The following SYAP1 variants were observed in gnomAD, a reference collection of about 807,000 sequenced individuals.
SYAP1 encodes the protein synapse-associated protein 1.
A neutral mutation model predicts 29.6 loss-of-function variants in SYAP1; 3 were observed. That is an observed-to-expected ratio of 0.10 (90% CI 0.05 to 0.26). SYAP1 has a LOEUF of 0.26. SYAP1 is among the 10% of genes least tolerant of loss of function. SYAP1 has a pLI of 1.00. For missense variants in SYAP1, 217 were observed against 264.1 expected (o/e 0.82, Z 1.24); for synonymous variants, 102 against 102.7 (o/e 0.99, Z 0.04).
chrX:16,759,841 A>T (rs1171148737), intron 8 of SYAP1, among the ~76,000 whole-genome samples: 1 of 112,526 alleles, frequency 8.9e-6, no homozygotes, highest in African/African-American at 3.2e-5. Context: ...TGCCCAGCCC[A>T]GTAAGTGCTC....
intron 1 of SYAP1, among the ~76,000 whole-genome samples, chrX:16,731,043 C>T (rs1365354899): frequency 1.8e-5 from 2 of 112,301 alleles, no homozygotes; most frequent in Non-Finnish European, 3.8e-5. Context: ...ATCTTTAAAA[C>T]TGTCTTTATT....
intron 5 of SYAP1, among the ~76,000 whole-genome samples, chrX:16,749,978 T>C (rs1399112004): frequency 9.1e-6 from 1 of 110,427 alleles, no homozygotes; most frequent in African/African-American, 3.3e-5. Flanking sequence ...GGAAGGCTCA[T>C]TTCACTTTTG....
At chrX:16,739,011 C>T (rs1050251061) in intron 3 of SYAP1, among the ~76,000 whole-genome samples, 5 of 110,889 alleles carry the variant, frequency 4.5e-5, no homozygotes, top group South Asian at 3.8e-4. Flanking sequence ...TTCAGGAACT[C>T]GGGGTGGGGA....
intron 1 of SYAP1, among the ~76,000 whole-genome samples, chrX:16,726,663 A>G (rs1926088493): frequency 9.0e-6 from 1 of 111,294 alleles, no homozygotes; most frequent in Non-Finnish European, 1.9e-5. Context: ...ATATTTATTT[A>G]TCATGAGAAT....
At chrX:16,723,624 T>C (rs1926015857) in intron 1 of SYAP1, among the ~76,000 whole-genome samples, 1 of 112,125 alleles carries the variant, frequency 8.9e-6, no homozygotes, top group Non-Finnish European at 1.9e-5. Flanking sequence ...AATTCTAAAA[T>C]TGTATGAAAT....
intron 5 of SYAP1, 22 bp downstream of exon 5, chrX:16,743,862 G>A (rs762906479): frequency 2.3e-5 from 27 of 1,199,452 alleles, no homozygotes; most frequent in Non-Finnish European, 2.8e-5. Flanking sequence ...GTTCTCCAGC[G>A]TTTCCTCATG....
intron 4 of SYAP1, 33 bp from the exon 5 acceptor site, chrX:16,743,668 A>G: frequency 1.7e-6 from 2 of 1,193,867 alleles, no homozygotes; most frequent in Non-Finnish European, 2.3e-6. Flanking sequence ...CATTTTGTGG[A>G]ATACCCTGTG....
chrX:16,725,509 TG>T (rs1275431793), intron 1 of SYAP1, among the ~76,000 whole-genome samples: 3 of 111,950 alleles, frequency 2.7e-5, no homozygotes, highest in Non-Finnish European at 5.6e-5. Context: ...AAATAAAAAC[TG>T]TCTTCAACGT....
intron 3 of SYAP1, among the ~76,000 whole-genome samples, chrX:16,738,472 C>T (rs939043308): frequency 9.0e-6 from 1 of 110,944 alleles, no homozygotes; most frequent in African/African-American, 3.3e-5. Flanking sequence ...GAAGGTCACT[C>T]AGCTGGTAAG....
intron 3 of SYAP1, among the ~76,000 whole-genome samples, chrX:16,739,722 C>G (rs1240271914): frequency 9.0e-6 from 1 of 111,395 alleles, no homozygotes; most frequent in Non-Finnish European, 1.9e-5. Flanking sequence ...TGTGGTGATG[C>G]AGGCAGCTAT....
intron 1 of SYAP1, among the ~76,000 whole-genome samples, chrX:16,734,438 A>G (rs1026098125): frequency 2.7e-5 from 3 of 110,090 alleles, no homozygotes; most frequent in African/African-American, 6.6e-5. Flanking sequence ...CAAGATTTCT[A>G]TTTCTTATTT....
chrX:16,739,771 G>A (rs1489552925), intron 3 of SYAP1, among the ~76,000 whole-genome samples: 1 of 111,579 alleles, frequency 9.0e-6, no homozygotes, highest in Non-Finnish European at 1.9e-5. Flanking sequence ...AGCACCGTGT[G>A]TTTTGCAAGA....
chrX:16,732,522 T>G (rs1254726722), intron 1 of SYAP1, among the ~76,000 whole-genome samples: 1 of 110,901 alleles, frequency 9.0e-6, no homozygotes, highest in East Asian at 2.8e-4. Context: ...TCTGCCCGCC[T>G]CGGCCTCCCA....
intron 5 of SYAP1, among the ~76,000 whole-genome samples, chrX:16,749,943 T>C (rs1926693527): frequency 9.3e-6 from 1 of 108,066 alleles, no homozygotes; most frequent in Non-Finnish European, 1.9e-5. Flanking sequence ...ATTTCAAAGA[T>C]ATTTAGGCAG....
chrX:16,748,038 G>C (rs201246998), intron 5 of SYAP1, among the ~76,000 whole-genome samples: 2 of 109,406 alleles, frequency 1.8e-5, no homozygotes, highest in African/African-American at 6.7e-5. Context: ...AGCCAAGATC[G>C]TATCATTGCA....
intron 1 of SYAP1, 67 bp downstream of exon 1, chrX:16,719,966 G>C (rs994890123): frequency 1.6e-5 from 17 of 1,076,950 alleles, no homozygotes; most frequent in Non-Finnish European, 2.0e-5. Context: ...CGGCCCTGGG[G>C]CGCGGGCCCG....
intron 3 of SYAP1, among the ~76,000 whole-genome samples, chrX:16,736,923 C>T (rs1443630552): frequency 4.5e-5 from 5 of 111,221 alleles, no homozygotes; most frequent in Admixed American, 1.9e-4. Flanking sequence ...GAAGAGCTTC[C>T]GAGGGAGGCG....
In SYAP1 at chrX:16,719,625, C is replaced by G; in HGVS notation, c.-100C>G. 2.0e-6 allele frequency: 2 copies of G among 1,001,195 alleles called. No individual in the cohort carries two copies. Among genetic ancestry groups the G allele is most frequent in the South Asian group, 2.4e-5 (1 of 41,560 alleles). The allele number at this position is 1,001,195 out of a possible 1,213,427, so 82.5% of individuals were successfully genotyped here. Reference sequence around the variant, plus strand: ...GGCGGCTGCGGTGTTCCTCCGACTTCCGGACATCTCCCTGGGAGTCGCGCA... The same window carrying G: ...GGCGGCTGCGGTGTTCCTCCGACTTGCGGACATCTCCCTGGGAGTCGCGCA... On this transcript the variant is annotated 5_prime_UTR_variant, in exon 1 of 9. Coordinates refer to ENST00000380155, the MANE Select transcript of SYAP1 (RefSeq NM_032796.4).
At position 16,760,323 on chromosome X, in the gene SYAP1, T is replaced by C; in HGVS notation, c.1023T>C (p.Asp341=). Residue 341 remains aspartate (D), a synonymous_variant, in exon 9 of 9, where the codon GAT becomes GAC. Transcript: ENST00000380155. Reference sequence around the variant, plus strand: ...CTGAAAAACGAGATGAAAACTGGGATAAGGAAATAGAGAAAATGCTTCAAG... The same window carrying C: ...CTGAAAAACGAGATGAAAACTGGGACAAGGAAATAGAGAAAATGCTTCAAG... ...TESEKRDENW[D]KEIEKMLQEE... 2 of 1,202,092 alleles carry C rather than the reference T, an allele frequency of 1.7e-6. No individual in the cohort carries two copies. The highest frequency in any genetic ancestry group is 2.2e-6 in the Non-Finnish European group (2 of 891,798).
Sources: gnomAD v4.1 joint callset for allele counts (sites outside exome capture counted in the v4.1 genomes callset) on GRCh38, gnomAD v4.1.1 for gene constraint, MANE v1.5 for transcripts, NCBI Gene and HGNC (gene_info 2026-07-23, HGNC 2026-07-21) for gene names.